Variants in SLC11A2 observed in about 807,000 individuals in gnomAD.
SLC11A2 encodes natural resistance-associated macrophage protein 2.
SLC11A2 carries 38 observed loss-of-function variants against 68.0 expected under a neutral mutation model. The observed-to-expected ratio is 0.56, with a 90% CI of 0.43 to 0.73. The LOEUF is 0.73. Among genes scored for constraint, SLC11A2 ranks in the 30% least tolerant of loss-of-function variants. SLC11A2 has a pLI of 0.00. For synonymous variants in SLC11A2, 242 were observed against 250.6 expected (o/e 0.97, Z 0.32); for missense variants, 517 against 690.5 (o/e 0.75, Z 2.82).
At chr12:50,959,847 A>G in the SLC11A2 span, among the ~76,000 whole-genome samples, 252 of 151,058 alleles carry the variant, frequency 1.7e-3, 1 homozygote, top group African/African-American at 5.8e-3. Context: ...ATGGGATTTC[A>G]CCGTGTTGGC....
downstream of SLC11A2, among the ~76,000 whole-genome samples, chr12:50,975,303 G>C (rs560366507): frequency 6.6e-6 from 1 of 151,958 alleles, no homozygotes; most frequent in East Asian, 1.9e-4. Context: ...TCAGACCACA[G>C]TGCAATCAAA....
At chr12:50,953,495 G>C in the SLC11A2 span, among the ~76,000 whole-genome samples, 2 of 152,178 alleles carry the variant, frequency 1.3e-5, no homozygotes, top group South Asian at 4.1e-4. Context: ...GTAGGTGCTT[G>C]GTAAATATCT....
chr12:50,984,512 T>C (rs933097851), downstream of SLC11A2, among the ~76,000 whole-genome samples: 1 of 152,178 alleles, frequency 6.6e-6, no homozygotes, highest in African/African-American at 2.4e-5. Flanking sequence ...GCCCACAGAG[T>C]GTCACTTAGA....
At position 51,002,907 on chromosome 12, in the gene SLC11A2, T is replaced by C. The variant is rs1942392648; in HGVS notation, c.429+1881A>G. On this transcript the variant is annotated intron_variant, in intron 5 of 15. Transcript: ENST00000262052. ...GTGAGCTGAGATCACGCCACTGTAC[T>C]CCAGGCTGGGCAACAGAGTGAGACT... Among the ~76,000 whole-genome samples the C allele has an allele frequency of 2.7e-5, 4 of 147,938 alleles. No individual in the cohort carries two copies. The South Asian group carries it at 8.5e-4, about 32-fold the overall frequency.
At chr12:50,953,049 G>A in the SLC11A2 span, among the ~76,000 whole-genome samples, 1 of 152,248 alleles carries the variant, frequency 6.6e-6, no homozygotes, top group African/African-American at 2.4e-5. Context: ...GGCTGCTACT[G>A]GTGAGTTTCT....
At chr12:51,020,756 G>C (rs568974157) in intron 1 of SLC11A2, among the ~76,000 whole-genome samples, 1 of 151,836 alleles carries the variant, frequency 6.6e-6, no homozygotes, top group Non-Finnish European at 1.5e-5. Flanking sequence ...TTTTTTTCTT[G>C]GTATTATTCC....
intron 2 of SLC11A2, chr12:51,009,343 A>C: frequency 8.2e-7 from 1 of 1,220,842 alleles, no homozygotes; most frequent in Non-Finnish European, 1.0e-6. Context: ...CGTTTCCCTG[A>C]GTTCTGCATT....
Position 51,008,517 on chromosome 12 carries a change from C to G in SLC11A2, c.142G>C (p.Ala48Pro), listed in dbSNP as rs760028045. The change falls in exon 3 of 16, where the codon GCC becomes CCC. Residue 48 changes from alanine (A) to proline (P), a missense_variant. Coordinates refer to ENST00000262052, the MANE Select transcript of SLC11A2 (RefSeq NM_000617.3). ...GAGATCTTCTCATTAAAGTAAGTGG[C>G]GAAGTACTCCTCTGAGTCCCCAGGG... Reference protein sequence around the residue: ...QSPGDSEEYFATYFNEKISIP... With the variant: ...QSPGDSEEYFPTYFNEKISIP... 6 of 1,613,012 alleles carry G rather than the reference C, an allele frequency of 3.7e-6. No homozygotes were observed. The highest frequency in any genetic ancestry group is 1.1e-5 in the South Asian group (1 of 91,054).
chr12:50,994,679 C>G (rs780674860), intron 10 of SLC11A2, 49 bp from the exon 11 acceptor site: 2 of 1,057,576 alleles, frequency 1.9e-6, no homozygotes, highest in Non-Finnish European at 3.0e-6. Flanking sequence ...GAAGCAAGGA[C>G]CAAATAAGAG....
the SLC11A2 span, among the ~76,000 whole-genome samples, chr12:50,956,674 G>C: frequency 6.6e-6 from 1 of 152,084 alleles, no homozygotes; most frequent in Non-Finnish European, 1.5e-5. Context: ...CAGCTCATAC[G>C]TGCATTTCTG....
intron 10 of SLC11A2, 108 bp downstream of exon 10, chr12:50,995,521 A>G: frequency 8.6e-7 from 1 of 1,161,130 alleles, no homozygotes; most frequent in Non-Finnish European, 1.3e-6. Flanking sequence ...GCTAGAGATT[A>G]TTTCTCCTGA....
chr12:51,004,766 A>T, intron 5 of SLC11A2, 22 bp downstream of exon 5: 1 of 1,613,168 alleles, frequency 6.2e-7, no homozygotes, highest in Non-Finnish European at 8.5e-7. Context: ...GTGAGAGACA[A>T]ACAGGACAAT....
chr12:50,985,895 C>G (rs543574552), downstream of SLC11A2: 7 of 1,057,572 alleles, frequency 6.6e-6, no homozygotes, highest in South Asian at 1.5e-4. Flanking sequence ...TGTGCCATTC[C>G]AGGTGGTAGT....
At chr12:50,995,196 C>T (rs1941588545) in intron 10 of SLC11A2, 2 of 249,084 alleles carry the variant, frequency 8.0e-6, no homozygotes. Flanking sequence ...CCTGTAATCC[C>T]AGCTACTCAG....
intron 15 of SLC11A2, among the ~76,000 whole-genome samples, chr12:50,989,697 C>T (rs574661531): frequency 7.9e-5 from 12 of 152,246 alleles, no homozygotes; most frequent in African/African-American, 2.6e-4. Context: ...TCAGTACAGT[C>T]TTTGTGTGCA....
At chr12:51,026,712 C>T (rs558401615), upstream of SLC11A2, among the ~76,000 whole-genome samples, 5 of 152,144 alleles carry the variant, frequency 3.3e-5, no homozygotes, top group Non-Finnish European at 5.9e-5. Flanking sequence ...GACAATCAAG[C>T]TACGAGGTAT....
intron 15 of SLC11A2, 104 bp downstream of exon 15, chr12:50,990,691 T>A (rs199505247): frequency 8.4e-7 from 1 of 1,192,402 alleles, no homozygotes; most frequent in East Asian, 2.3e-5. Flanking sequence ...ATTATAGGCA[T>A]GAGCCACTGT....
Position 50,988,042 on chromosome 12 carries a change from C to A in SLC11A2, c.*283G>T. ...TATCCTTGTCTCTCCGAAGGATAAA[C>A]TGAGCTGGCCCTTGGGCAACTACTT... On this transcript the variant is annotated 3_prime_UTR_variant, in exon 16 of 16. Transcript: ENST00000262052. 7.2e-7 allele frequency: 1 copy of A among 1,384,058 alleles called. No individual in the cohort carries two copies. 85.7% of individuals were successfully genotyped at this position (1,384,058 alleles called of 1,614,324 possible).
At chr12:51,023,901 G>C (rs1944208563) in intron 1 of SLC11A2, among the ~76,000 whole-genome samples, 1 of 151,940 alleles carries the variant, frequency 6.6e-6, no homozygotes, top group Non-Finnish European at 1.5e-5. Flanking sequence ...TGTGGCAGGA[G>C]AATCACTTGA....
Sources: gnomAD v4.1 joint callset for allele counts (sites outside exome capture counted in the v4.1 genomes callset) on GRCh38, gnomAD v4.1.1 for gene constraint, MANE v1.5 for transcripts, NCBI Gene and HGNC (gene_info 2026-07-23, HGNC 2026-07-21) for gene names.